RGMA: variants seen among roughly 807,000 people sequenced by gnomAD.
RGMA encodes the protein repulsive guidance molecule A.
RGMA carries 10 observed loss-of-function variants against 23.2 expected under a neutral mutation model. The ratio of observed to expected loss-of-function variants is 0.43; its 90% CI spans 0.27 to 0.73. The LOEUF (loss-of-function observed/expected upper bound fraction) is 0.73, where lower values mean the gene tolerates loss of function less well. Among genes scored for constraint, RGMA ranks in the 30% least tolerant of loss-of-function variants. RGMA has a pLI of 0.20. For synonymous variants in RGMA, 308 were observed against 279.3 expected, an observed-to-expected ratio of 1.10 and a Z score of -1.03; for missense variants, 547 against 630.5, an observed-to-expected ratio of 0.87 and a Z score of 1.42.
At chr15:93,061,862 G>A (rs1287283618) in intron 2 of RGMA, among the ~76,000 whole-genome samples, 1 of 152,102 alleles carries the variant, frequency 6.6e-6, no homozygotes, top group Non-Finnish European at 1.5e-5. Flanking sequence ...GCATAACAAC[G>A]AAGCCCAATA....
At chr15:93,073,859 A>C in intron 1 of RGMA, 4 of 1,482,684 alleles carry the variant, frequency 2.7e-6, no homozygotes, top group Non-Finnish European at 3.6e-6. Flanking sequence ...TGCGGGCCTA[A>C]CCTTGCCACC....
chr15:93,068,385 G>T (rs567201525), intron 2 of RGMA, among the ~76,000 whole-genome samples: 4 of 137,872 alleles, frequency 2.9e-5, no homozygotes, highest in Admixed American at 1.4e-4. Context: ...ATGTAAACTG[G>T]TCCCCACCTT....
rs1336717465 is a variant in RGMA at position 93,036,497 on chromosome 15, G to A, written c.*8501C>T. 6.6e-6 allele frequency: 1 copy of A among 152,298 alleles called. No homozygotes were observed. The highest frequency in any genetic ancestry group is 1.5e-5 in the Non-Finnish European group (1 of 68,102). The allele number at this position is 152,298 out of a possible 1,614,324, so 9.4% of individuals were successfully genotyped here. On this transcript the variant is annotated 3_prime_UTR_variant, in exon 4 of 4. Coordinates refer to ENST00000329082, the MANE Select transcript of RGMA (RefSeq NM_020211.3). ...CCCTGGCCCCGCAGACCTGGTCCCT[G>A]GTGGTCCCGGCCCCAGCCTTGACCT...
Position 93,045,401 on chromosome 15 carries a change from CGCAG to C in RGMA, c.946_949del (p.Leu316GlyfsTer72). Reference sequence around the variant, plus strand: ...GATCTGCTGGTTGAGGGGGCAGCCCCGCAGGCAGAGGTAGAGACCCTGGCTGTCC... The same window carrying C: ...GATCTGCTGGTTGAGGGGGCAGCCCCGCAGAGGTAGAGACCCTGGCTGTCC... On this transcript the variant is annotated frameshift_variant, in exon 4 of 4. Transcript: ENST00000329082. LOFTEE classifies it low-confidence loss of function (END_TRUNC). This position sits in a 1 kb window ranked among gnomAD's most constrained non-coding sequence, Gnocchi z 6.9. The C allele has an allele frequency of 6.2e-7, 1 of 1,613,156 alleles. No individual in the cohort carries two copies. The highest frequency in any genetic ancestry group is 8.5e-7 in the Non-Finnish European group (1 of 1,179,834).
At chr15:93,048,845 G>T (rs1264341042) in intron 3 of RGMA, among the ~76,000 whole-genome samples, 1 of 151,116 alleles carries the variant, frequency 6.6e-6, no homozygotes, top group Non-Finnish European at 1.5e-5. Context: ...TGCCATGGGG[G>T]GAGGATGGGG....
rs74029232 is a variant in RGMA, at chr15:93,047,598, G to C, written c.646-1893C>G. Among the ~76,000 whole-genome samples the C allele has an allele frequency of 3.7e-3, 561 of 151,908 alleles. 2 individuals carry two copies. Among genetic ancestry groups the C allele is most frequent in the African/African-American group, 0.013 (533 of 41,408 alleles). On this transcript the variant is annotated intron_variant, in intron 3 of 3. Transcript: ENST00000329082. ...CATCCCTCCCCACCCAGGAGAGGGT[G>C]TGGCCAGCTAGCTGGCTGGCTGACA...
At chr15:93,088,767 G>T in intron 1 of RGMA, 152 bp downstream of exon 1, 1 of 802,220 alleles carries the variant, frequency 1.2e-6, no homozygotes, top group Admixed American at 3.1e-5. Flanking sequence ...TAAAGCGATA[G>T]AGGCGCAGCA....
intron 2 of RGMA, among the ~76,000 whole-genome samples, chr15:93,071,382 G>C (rs926029706): frequency 2.0e-5 from 3 of 152,162 alleles, no homozygotes; most frequent in Non-Finnish European, 4.4e-5. Flanking sequence ...GTGAGGAGAG[G>C]GCACCCTGCT....
At chr15:93,060,815 C>G (rs996960092) in intron 2 of RGMA, among the ~76,000 whole-genome samples, 14 of 152,242 alleles carry the variant, frequency 9.2e-5, no homozygotes, top group African/African-American at 3.4e-4. Context: ...CAGGGCTGGC[C>G]CCTCCTGCTC....
chr15:93,045,639 C>G lies in RGMA; in HGVS notation c.712G>C (p.Glu238Gln). 1.9e-6 allele frequency: 3 copies of G among 1,611,628 alleles called. No homozygotes were observed. The highest frequency in any genetic ancestry group is 2.5e-6 in the Non-Finnish European group (3 of 1,179,890). Reference protein sequence around the residue: ...DQKVYQAEMDELPAAFVDGSK... With the variant: ...DQKVYQAEMDQLPAAFVDGSK... ...CCATCCACGAAGGCGGCCGGGAGCT[C>G]GTCCATCTCAGCCTGGTACACCTTC... The change falls in exon 4 of 4, where the codon GAG (glutamate) becomes CAG (glutamine). Residue 238 changes from glutamate to glutamine, a missense_variant. By Grantham distance (29) the Glu-to-Gln change is conservative. This residue lies in a region of RGMA where 128 missense variants were observed against 191.7 expected (regional missense o/e 0.67). Coordinates refer to ENST00000329082, the MANE Select transcript of RGMA (RefSeq NM_020211.3). The surrounding 1 kb of genome is among the most constrained non-coding windows in gnomAD (Gnocchi z 6.9).
intron 2 of RGMA, among the ~76,000 whole-genome samples, chr15:93,058,144 A>C (rs982768475): frequency 6.6e-6 from 1 of 152,192 alleles, no homozygotes; most frequent in Non-Finnish European, 1.5e-5. Flanking sequence ...ATCCTATATG[A>C]GAAAGAAAAA....
At chr15:93,087,191 C>T (rs1895648708) in intron 1 of RGMA, among the ~76,000 whole-genome samples, 1 of 152,242 alleles carries the variant, frequency 6.6e-6, no homozygotes, top group Non-Finnish European at 1.5e-5. Context: ...TAGACCACTA[C>T]ACTGCTCTAC....
intron 1 of RGMA, among the ~76,000 whole-genome samples, chr15:93,087,480 A>AAAAC (rs781563499): frequency 1.3e-4 from 20 of 150,904 alleles, no homozygotes; most frequent in African/African-American, 4.2e-4. Flanking sequence ...AAAAAAAAAA[A>AAAAC]AAAACCACAA....
rs1277559242 is a variant in RGMA, at chr15:93,040,866, G to T, written c.*4132C>A. 6.6e-6 allele frequency: 1 copy of T among 152,208 alleles called. No homozygotes were observed. Among genetic ancestry groups the T allele is most frequent in the African/African-American group, 2.4e-5 (1 of 41,436 alleles). 9.4% of individuals were successfully genotyped at this position (152,208 alleles called of 1,614,324 possible). On this transcript the variant is annotated 3_prime_UTR_variant, in exon 4 of 4. Transcript: ENST00000329082. ...TGCGTGGTGCCAGGGCCATGTGCGA[G>T]GCCATTGACGAGTGTTAGCTCACTG...
intron 1 of RGMA, among the ~76,000 whole-genome samples, chr15:93,079,147 C>A (rs1022947682): frequency 6.6e-6 from 1 of 152,254 alleles, no homozygotes; most frequent in Non-Finnish European, 1.5e-5. Flanking sequence ...GATGCACCCA[C>A]GTTCCTGGGG....
rs1000969157 is a variant in RGMA, at chr15:93,037,082, C to T, written c.*7916G>A. 4 of 152,094 alleles carry T rather than the reference C, an allele frequency of 2.6e-5. No individual in the cohort carries two copies. The highest frequency in any genetic ancestry group is 5.9e-5 in the Non-Finnish European group (4 of 68,080). The allele number at this position is 152,094 out of a possible 1,614,324, so 9.4% of individuals were successfully genotyped here. ...GGTCAGCTTGGAGGAACGGTGCCCTCGAGGTGGTCAGTAACGGGAGGGCTG... is the reference window on the plus strand; with the variant it reads ...GGTCAGCTTGGAGGAACGGTGCCCTTGAGGTGGTCAGTAACGGGAGGGCTG... On this transcript the variant is annotated 3_prime_UTR_variant, in exon 4 of 4. Transcript: ENST00000329082. This position sits in a 1 kb window ranked among gnomAD's most constrained non-coding sequence, Gnocchi z 4.3.
chr15:93,044,906 A>C lies in RGMA; in HGVS notation c.*92T>G. 1 of 1,082,390 alleles carries C rather than the reference A, an allele frequency of 9.2e-7. No individual in the cohort carries two copies. The highest frequency in any genetic ancestry group is 1.3e-6 in the Non-Finnish European group (1 of 758,950). 67.0% of individuals were successfully genotyped at this position (1,082,390 alleles called of 1,614,324 possible). ...GGCGTTCTGCGGGGCCATGGTGGAC[A>C]CGCCAGGAGATCTGCACCCCGTGGG... On this transcript the variant is annotated 3_prime_UTR_variant, in exon 4 of 4. Transcript: ENST00000329082.
At chr15:93,066,207 C>G (rs760097318) in intron 2 of RGMA, 4 of 1,413,342 alleles carry the variant, frequency 2.8e-6, no homozygotes, top group Non-Finnish European at 4.0e-6. Context: ...ATTCCACAGT[C>G]TCCTCATCTC....
At chr15:93,059,134 C>G (rs1363927118) in intron 2 of RGMA, among the ~76,000 whole-genome samples, 1 of 151,816 alleles carries the variant, frequency 6.6e-6, no homozygotes, top group Non-Finnish European at 1.5e-5. Flanking sequence ...GATGGGCAGG[C>G]CTGGAGCTGT....
Sources: allele counts gnomAD v4.1 joint callset (sites outside exome capture counted in the v4.1 genomes callset), GRCh38; gene constraint gnomAD v4.1.1; regional missense constraint gnomAD v4.1.1; non-coding constraint Gnocchi (gnomAD v3.1); transcripts MANE v1.5; gene names NCBI Gene and HGNC (gene_info 2026-07-23, HGNC 2026-07-21).